IBTK: variants seen among roughly 807,000 people sequenced by gnomAD.
IBTK encodes inhibitor of Bruton tyrosine kinase.
In IBTK, 83 loss-of-function variants were observed where a neutral mutation model predicts 154.9. That is an observed-to-expected ratio of 0.54 (90% CI 0.45 to 0.64). IBTK has a LOEUF of 0.64. Ranked by LOEUF, IBTK falls within the 30% of genes least tolerant of loss-of-function variation. The pLI is 0.00. For missense variants in IBTK, 1,332 were observed against 1,584.6 expected (o/e 0.84, Z 2.71); for synonymous variants, 515 against 536.1 (o/e 0.96, Z 0.54).
chr6:82,173,419 G>T lies in IBTK; in HGVS notation c.3745C>A (p.Pro1249Thr), dbSNP rs752488343. The T allele has an allele frequency of 7.4e-6, 12 of 1,613,334 alleles. No homozygotes were observed. The highest frequency in any genetic ancestry group is 1.0e-5 in the Non-Finnish European group (12 of 1,179,508). Residue 1249 changes from proline (P) to threonine (T), a missense_variant, in exon 27 of 29, where the codon CCA becomes ACA. By Grantham distance (38) the Pro-to-Thr change is conservative. Coordinates refer to ENST00000306270, the MANE Select transcript of IBTK (RefSeq NM_015525.4). ...KIVRCSTHGT[P>T]GPEGNHISDL... ...GAAATATGGTTGCCTTCTGGTCCTG[G>T]GGTACCATGGGTAGAGCATCTGCAA... is the stretch of plus-strand genomic sequence containing the variant.
chr6:82,210,822 A>C lies in IBTK; in HGVS notation c.2501T>G (p.Val834Gly). 5 of 1,456,312 alleles carry C rather than the reference A, an allele frequency of 3.4e-6. No homozygotes were observed. Among genetic ancestry groups the C allele is most frequent in the Non-Finnish European group, 3.7e-6 (4 of 1,071,952 alleles). 90.2% of individuals were successfully genotyped at this position (1,456,312 alleles called of 1,614,324 possible). A position where few individuals can be genotyped will look rare whatever the true frequency, so the allele number is the denominator to read the frequency against. Residue 834 changes from valine (V) to glycine (G), a missense_variant, in exon 16 of 29, where the codon GTG (valine) becomes GGG (glycine). Physicochemically the swap from Val to Gly is moderately radical, Grantham distance 109. Transcript: ENST00000306270. ...LDYLYTDEAV[V>G]IKESQNVDFI... is the part of the protein sequence containing the mutation. The stretch of plus-strand genomic sequence containing the variant: ...CTAACTCTTATTAATACCTTTTATC[A>C]CCACAGCTTCATCAGTATAGAGGTA...
chr6:82,220,140 G>A (rs1028291872), intron 9 of IBTK, among the ~76,000 whole-genome samples: 1 of 152,138 alleles, frequency 6.6e-6, no homozygotes, highest in Admixed American at 6.5e-5. Context: ...AACCCAGGAG[G>A]TGGAGGTTGC....
chr6:82,176,731 G>GA (rs888631333), intron 26 of IBTK, among the ~76,000 whole-genome samples: 8 of 151,708 alleles, frequency 5.3e-5, no homozygotes, highest in Admixed American at 2.0e-4. Context: ...CCTAACCTTG[G>GA]AAAAAAATCA....
At position 82,240,552 on chromosome 6, in the gene IBTK, G is replaced by T. The variant is rs1232060043; in HGVS notation, c.-66C>A. 1.5e-6 allele frequency: 2 copies of T among 1,334,240 alleles called. No individual in the cohort carries two copies. The highest frequency in any genetic ancestry group is 4.0e-5 in the Admixed American group (2 of 49,390). The allele number at this position is 1,334,240 out of a possible 1,614,324, so 82.7% of individuals were successfully genotyped here. A position where few individuals can be genotyped will look rare whatever the true frequency, so the allele number is the denominator to read the frequency against. On this transcript the variant is annotated 5_prime_UTR_variant, in exon 2 of 29. In the 5' UTR this introduces an upstream ATG that the reference lacks. Transcript: ENST00000306270. ...CTAATTTTAAAAAATGAAAAAGCCA[G>T]GACACAAAGGTGCTATTGAGGAAGT...
chr6:82,224,227 T>C lies in IBTK; in HGVS notation c.826-42A>G, dbSNP rs753841597. The C allele has an allele frequency of 1.0e-5, 14 of 1,353,030 alleles. No individual in the cohort carries two copies. The Middle Eastern group carries it at 1.8e-3, about 174-fold the overall frequency. 83.8% of individuals were successfully genotyped at this position (1,353,030 alleles called of 1,614,324 possible). On this transcript the variant is annotated intron_variant, in intron 6 of 28. Transcript: ENST00000306270. ...AAAACTGCAATTTACTATATATTTA[T>C]GACCTAGTACAATTTTTTAAAGATC...
intron 25 of IBTK, among the ~76,000 whole-genome samples, chr6:82,187,009 A>AGGTTCAAG (rs1768581026): frequency 7.0e-6 from 1 of 142,970 alleles, no homozygotes; most frequent in African/African-American, 2.6e-5. Flanking sequence ...TCTGCCTCCC[A>AGGTTCAAG]GGTTCAAGTG....
At chr6:82,233,426 T>C (rs958579913) in intron 3 of IBTK, among the ~76,000 whole-genome samples, 3 of 152,180 alleles carry the variant, frequency 2.0e-5, no homozygotes, top group Admixed American at 6.5e-5. Flanking sequence ...ACCTCAATGC[T>C]GATGTTACTT....
intron 8 of IBTK, among the ~76,000 whole-genome samples, chr6:82,221,573 C>T (rs1770102546): frequency 6.6e-6 from 1 of 152,076 alleles, no homozygotes; most frequent in Admixed American, 6.6e-5. Flanking sequence ...GTGAAATCTG[C>T]CTGCTGCTAC....
chr6:82,188,121 G>A (rs1768621742), intron 25 of IBTK, among the ~76,000 whole-genome samples: 1 of 152,180 alleles, frequency 6.6e-6, no homozygotes, highest in South Asian at 2.1e-4. Flanking sequence ...GGGTCCCTAA[G>A]GAATCTGATA....
chr6:82,241,104 C>T (rs905243349), intron 1 of IBTK, among the ~76,000 whole-genome samples: 3 of 151,740 alleles, frequency 2.0e-5, no homozygotes, highest in African/African-American at 7.3e-5. Context: ...ATCTATCGAC[C>T]TTTCATATTT....
chr6:82,227,764 T>A (rs1045906938), intron 4 of IBTK, among the ~76,000 whole-genome samples: 3 of 152,082 alleles, frequency 2.0e-5, no homozygotes, highest in Admixed American at 2.0e-4. Context: ...TAAAGCCATT[T>A]ATACATGGCG....
In IBTK at chr6:82,197,373, A is replaced by ATTTTTTTTTTT. The variant is rs11422131; in HGVS notation, c.3026-938_3026-928dup. Among the ~76,000 whole-genome samples, 173 of 138,376 alleles carry ATTTTTTTTTTT rather than the reference A, an allele frequency of 1.3e-3. 1 individual carries two copies. The highest frequency in any genetic ancestry group is 2.1e-3 in the African/African-American group (79 of 36,808). 90.8% of individuals were successfully genotyped at this position (138,376 alleles called of 152,430 possible). A position where few individuals can be genotyped will look rare whatever the true frequency, so the allele number is the denominator to read the frequency against. ...TTTTTTTGCCACACAATCTTTTTGAATTTTTTTTTTTTTTTGAGACAGAGT... is the reference window on the plus strand; with the variant it reads ...TTTTTTTGCCACACAATCTTTTTGAATTTTTTTTTTTTTTTTTTTTTTTTTTGAGACAGAGT... On this transcript the variant is annotated intron_variant, in intron 21 of 28. Coordinates refer to ENST00000306270, the MANE Select transcript of IBTK (RefSeq NM_015525.4).
intron 1 of IBTK, among the ~76,000 whole-genome samples, chr6:82,241,063 C>A (rs1255482354): frequency 6.6e-6 from 1 of 152,158 alleles, no homozygotes; most frequent in Non-Finnish European, 1.5e-5. Flanking sequence ...CAACCTCTGG[C>A]ATAAACGGGT....
At chr6:82,214,902 T>C in intron 11 of IBTK, 73 bp from the exon 12 acceptor site, 1 of 1,445,676 alleles carries the variant, frequency 6.9e-7, no homozygotes, top group Non-Finnish European at 9.2e-7. Context: ...TAGCCAATTC[T>C]CCTTTAAAAT....
intron 26 of IBTK, chr6:82,174,857 TGA>T: frequency 2.5e-6 from 1 of 396,832 alleles, no homozygotes; most frequent in Non-Finnish European, 5.0e-6. Context: ...CTGGTCTTTT[TGA>T]TTTAGAGTAC....
At chr6:82,211,975 A>G (rs1287569606) in intron 13 of IBTK, among the ~76,000 whole-genome samples, 1 of 152,144 alleles carries the variant, frequency 6.6e-6, no homozygotes, top group African/African-American at 2.4e-5. Flanking sequence ...CTTACAGAGG[A>G]AGCATGAATA....
At chr6:82,211,999 CT>C (rs1279627581) in intron 13 of IBTK, among the ~76,000 whole-genome samples, 3 of 151,558 alleles carry the variant, frequency 2.0e-5, no homozygotes, top group African/African-American at 7.3e-5. Flanking sequence ...AAAAACAAAA[CT>C]TTTTTTTTCT....
chr6:82,210,595 T>A (rs550038199), intron 16 of IBTK, among the ~76,000 whole-genome samples: 3 of 152,104 alleles, frequency 2.0e-5, no homozygotes, highest in East Asian at 3.9e-4. Flanking sequence ...AAGGCCGAGG[T>A]GGAATAATCC....
intron 26 of IBTK, among the ~76,000 whole-genome samples, chr6:82,174,022 T>C (rs544318274): frequency 2.6e-5 from 4 of 152,196 alleles, no homozygotes; most frequent in Admixed American, 2.6e-4. Flanking sequence ...TAAGAAGCAT[T>C]CCAGTAAGGA....
Sources: gnomAD v4.1 joint callset for allele counts (sites outside exome capture counted in the v4.1 genomes callset) on GRCh38, gnomAD v4.1.1 for gene constraint, MANE v1.5 for transcripts, NCBI Gene and HGNC (gene_info 2026-07-23, HGNC 2026-07-21) for gene names.